Variants in NR6A1 observed in about 807,000 individuals in gnomAD.
The protein encoded by NR6A1 is nuclear receptor subfamily 6 group A member 1.
In NR6A1, 7 loss-of-function variants were observed where a neutral mutation model predicts 59.1. The observed-to-expected ratio is 0.12, with a 90% confidence interval of 0.07 to 0.22. The LOEUF (loss-of-function observed/expected upper bound fraction) is 0.22, where lower values mean the gene tolerates loss of function less well. Ranked by LOEUF, NR6A1 falls within the 10% of genes least tolerant of loss-of-function variation. The probability of loss-of-function intolerance (pLI) is 1.00; values close to 1 mark genes in which losing one functional copy is unlikely to be tolerated. For missense variants in NR6A1, 468 were observed against 611.6 expected, an observed-to-expected ratio of 0.77 and a Z score of 2.48; for synonymous variants, 243 against 236.1, an observed-to-expected ratio of 1.03 and a Z score of -0.27.
At chr9:124,549,689 A>G (rs1258382375) in intron 3 of NR6A1, among the ~76,000 whole-genome samples, 2 of 152,154 alleles carry the variant, frequency 1.3e-5, no homozygotes, top group African/African-American at 4.8e-5. Context: ...TTTAATAGTT[A>G]ATTTTTTAAA....
At chr9:124,646,671 TA>T (rs1045007941) in intron 2 of NR6A1, among the ~76,000 whole-genome samples, 3 of 152,108 alleles carry the variant, frequency 2.0e-5, no homozygotes, top group East Asian at 1.9e-4. Flanking sequence ...TAATGAGCTT[TA>T]AAAAAAATGC....
chr9:124,588,933 A>G (rs1255605999), intron 2 of NR6A1, among the ~76,000 whole-genome samples: 4 of 139,070 alleles, frequency 2.9e-5, no homozygotes, highest in African/African-American at 9.3e-5. Flanking sequence ...AAAAAAAAAA[A>G]GAAAGAAAAA....
chr9:124,578,072 T>C (rs921945117), intron 2 of NR6A1, among the ~76,000 whole-genome samples: 12 of 152,204 alleles, frequency 7.9e-5, no homozygotes, highest in Admixed American at 4.6e-4. Flanking sequence ...TCCAAGACAA[T>C]AGTCTTCTGC....
intron 2 of NR6A1, among the ~76,000 whole-genome samples, chr9:124,563,573 TA>T (rs1419705318): frequency 6.6e-6 from 1 of 152,236 alleles, no homozygotes; most frequent in African/African-American, 2.4e-5. Context: ...TAAGAACATG[TA>T]CATGGTGCTT....
At chr9:124,641,655 C>A (rs1237302130) in intron 2 of NR6A1, among the ~76,000 whole-genome samples, 1 of 152,158 alleles carries the variant, frequency 6.6e-6, no homozygotes, top group Non-Finnish European at 1.5e-5. Context: ...TATGACTGCT[C>A]CAGCCTGTGC....
rs1365147511 is a variant in NR6A1, at chr9:124,518,085, A to C, written c.*4620T>G. ...GGCTAGATCTGGGGGACTAGCCTCC[A>C]CCCATAACACAACTTTTGTTCTTGG... On this transcript the variant is annotated 3_prime_UTR_variant, in exon 10 of 10. Transcript: ENST00000487099. 1 of 150,832 alleles carries C rather than the reference A, an allele frequency of 6.6e-6. No individual in the cohort carries two copies. The highest frequency in any genetic ancestry group is 6.6e-5 in the Admixed American group (1 of 15,066). 9.3% of individuals were successfully genotyped at this position (150,832 alleles called of 1,614,324 possible).
At chr9:124,628,091 A>C (rs1243401066) in intron 2 of NR6A1, among the ~76,000 whole-genome samples, 1 of 151,942 alleles carries the variant, frequency 6.6e-6, no homozygotes, top group Non-Finnish European at 1.5e-5. Context: ...GCAGCGGTGC[A>C]ATCTCAGCTC....
chr9:124,733,241 T>C, intron 2 of NR6A1, 67 bp downstream of exon 2: 2 of 1,123,752 alleles, frequency 1.8e-6, no homozygotes, highest in Non-Finnish European at 2.7e-6. Context: ...CCTTAAGTTA[T>C]TCACTTAAAA....
rs1157817455 is a variant in NR6A1, at chr9:124,543,740, C to T, written c.441+62G>A. 6 of 1,348,068 alleles carry T rather than the reference C, an allele frequency of 4.5e-6. No individual in the cohort carries two copies. In the African/African-American group the frequency reaches 8.9e-5, roughly 20 times the overall value. 83.5% of individuals were successfully genotyped at this position (1,348,068 alleles called of 1,614,324 possible). ...ATGAAAGAGTCAAGGTGAGCAGTTTCAGGAACAGCTGGAGCCCTGGGCTTC... is the reference window on the plus strand; with the variant it reads ...ATGAAAGAGTCAAGGTGAGCAGTTTTAGGAACAGCTGGAGCCCTGGGCTTC... On this transcript the variant is annotated intron_variant, in intron 4 of 9. Transcript: ENST00000487099.
At chr9:124,723,303 G>A (rs1839616187) in intron 2 of NR6A1, among the ~76,000 whole-genome samples, 1 of 152,128 alleles carries the variant, frequency 6.6e-6, no homozygotes, top group African/African-American at 2.4e-5. Context: ...ATAAGCAGAA[G>A]GTTAACATGT....
At position 124,642,720 on chromosome 9, in the gene NR6A1, GAGA is replaced by G. The variant is rs367894947; in HGVS notation, c.143-88153_143-88151del. 2.4e-3 allele frequency among the ~76,000 whole-genome samples: 359 copies of G among 152,284 alleles called. 2 individuals are homozygous for G. Among genetic ancestry groups the G allele is most frequent in the African/African-American group, 8.0e-3 (331 of 41,538 alleles). On this transcript the variant is annotated intron_variant, in intron 2 of 9. Transcript: ENST00000487099. The stretch of plus-strand genomic sequence containing the variant: ...TAACTGTGGGGCAGGGTGGTGGAGG[GAGA>G]AGGTGGTCATTTGGTGATGAAGACA...
chr9:124,533,402 C>T (rs1286473012), intron 7 of NR6A1, among the ~76,000 whole-genome samples: 3 of 152,192 alleles, frequency 2.0e-5, no homozygotes, highest in Non-Finnish European at 4.4e-5. Flanking sequence ...CTGTCATTTA[C>T]AGATCACCCT....
rs528925949 is a variant in NR6A1, at chr9:124,769,720, TGAG to T, written c.100+1297_100+1299del. The stretch of plus-strand genomic sequence containing the variant: ...CTGAGAGCCTCCCTTTATTCGGAAA[TGAG>T]GAGATGTGAAAGGTGGAAAACAGGG... On this transcript the variant is annotated intron_variant, in intron 1 of 9. Coordinates refer to ENST00000487099, the MANE Select transcript of NR6A1 (RefSeq NM_033334.4). Among the ~76,000 whole-genome samples, 11 of 151,916 alleles carry T rather than the reference TGAG, an allele frequency of 7.2e-5. No homozygotes were observed. In the East Asian group the frequency reaches 1.8e-3, roughly 24 times the overall value.
At chr9:124,586,634 A>G (rs1445247573) in intron 2 of NR6A1, among the ~76,000 whole-genome samples, 1 of 151,962 alleles carries the variant, frequency 6.6e-6, no homozygotes, top group Non-Finnish European at 1.5e-5. Context: ...ATTTCAGTAG[A>G]GACGAGGTCT....
chr9:124,654,338 GA>G (rs1441147578), intron 2 of NR6A1, among the ~76,000 whole-genome samples: 5 of 151,850 alleles, frequency 3.3e-5, no homozygotes, highest in East Asian at 1.9e-4. Context: ...TATTTGGGGG[GA>G]AAAAAACAAA....
intron 2 of NR6A1, chr9:124,698,492 G>A (rs1038513660): frequency 4.6e-5 from 7 of 152,256 alleles, no homozygotes; most frequent in African/African-American, 9.6e-5. Context: ...CTCAGAGAAC[G>A]AACACAATGA....
intron 2 of NR6A1, among the ~76,000 whole-genome samples, chr9:124,583,452 G>A (rs1313775366): frequency 6.6e-6 from 1 of 152,238 alleles, no homozygotes; most frequent in South Asian, 2.1e-4. Flanking sequence ...CCAGCATCTA[G>A]GCCTCTAGTT....
At chr9:124,667,326 C>T (rs879317895) in intron 2 of NR6A1, among the ~76,000 whole-genome samples, 2 of 151,338 alleles carry the variant, frequency 1.3e-5, no homozygotes, top group Admixed American at 1.3e-4. Context: ...CCACTGCGTC[C>T]GCCTGGCTTA....
At chr9:124,552,643 CAACAT>C (rs1376851983) in intron 3 of NR6A1, among the ~76,000 whole-genome samples, 1 of 152,160 alleles carries the variant, frequency 6.6e-6, no homozygotes, top group Non-Finnish European at 1.5e-5. Context: ...TGTTAACTGT[CAACAT>C]AACCACCCCT....
Sources: gnomAD v4.1 joint callset for allele counts (sites outside exome capture counted in the v4.1 genomes callset) on GRCh38, gnomAD v4.1.1 for gene constraint, MANE v1.5 for transcripts, NCBI Gene and HGNC (gene_info 2026-07-23, HGNC 2026-07-21) for gene names.